MYO1E: variants seen among roughly 807,000 people sequenced by gnomAD.
MYO1E encodes myosin IE, also known as unconventional myosin-Ie.
Under a neutral mutation model 151.1 loss-of-function variants are expected in MYO1E, and 68 were observed. That is an observed-to-expected ratio of 0.45 (90% CI 0.37 to 0.55). The LOEUF (loss-of-function observed/expected upper bound fraction) is 0.55. Ranked by LOEUF, MYO1E falls within the 20% of genes least tolerant of loss-of-function variation. The probability of loss-of-function intolerance (pLI) is 0.00; values close to 1 mark genes in which losing one functional copy is unlikely to be tolerated. For missense variants in MYO1E, 1,363 were observed against 1,389.3 expected (o/e 0.98, Z 0.30); for synonymous variants, 601 against 501.7 (o/e 1.20, Z -2.64).
intron 26 of MYO1E, 111 bp from the exon 27 acceptor site, chr15:59,138,478 T>C: frequency 8.3e-7 from 1 of 1,201,268 alleles, no homozygotes; most frequent in Non-Finnish European, 1.2e-6. Flanking sequence ...CAAATCCAGC[T>C]CCATCCTTAG....
At chr15:59,265,319 C>A (rs7166002) in intron 2 of MYO1E, among the ~76,000 whole-genome samples, 115,242 of 151,884 alleles carry the variant, frequency 0.76, 44,507 homozygotes, top group Non-Finnish European at 0.85. Flanking sequence ...AAAGGTACCA[C>A]CTCCCCACCA....
At chr15:59,337,157 T>A (rs754265916) in intron 1 of MYO1E, among the ~76,000 whole-genome samples, 39 of 152,348 alleles carry the variant, frequency 2.6e-4, no homozygotes, top group South Asian at 2.1e-4. Context: ...TTTATTATTA[T>A]GAATATTTCC....
chr15:59,343,475 T>C (rs1049173104), intron 1 of MYO1E, among the ~76,000 whole-genome samples: 2 of 152,198 alleles, frequency 1.3e-5, no homozygotes, highest in Non-Finnish European at 2.9e-5. Context: ...TGTTATTACA[T>C]GCCTTGAGGT....
At chr15:59,151,336 A>G (rs1029194298) in intron 26 of MYO1E, among the ~76,000 whole-genome samples, 21 of 152,088 alleles carry the variant, frequency 1.4e-4, no homozygotes, top group African/African-American at 4.1e-4. Context: ...AGGTTGACGC[A>G]GGACAGTCAC....
intron 1 of MYO1E, among the ~76,000 whole-genome samples, chr15:59,329,214 C>T (rs183064358): frequency 2.6e-5 from 4 of 152,326 alleles, no homozygotes; most frequent in Non-Finnish European, 5.9e-5. Context: ...CTCCATGGAG[C>T]TTACAATCTA....
At chr15:59,231,358 C>T (rs777652910) in intron 6 of MYO1E, among the ~76,000 whole-genome samples, 1 of 152,202 alleles carries the variant, frequency 6.6e-6, no homozygotes, top group Non-Finnish European at 1.5e-5. Context: ...TGGGATACCC[C>T]TCTACTCTAG....
At position 59,321,246 on chromosome 15, in the gene MYO1E, G is replaced by C. The variant is rs183956736; in HGVS notation, c.4-48797C>G. ...ACACTGTAGGTGGGAGTGTAAGTTAGTTCAGTCACTGTGGAAAGCAGCTGG... is the reference window on the plus strand; with the variant it reads ...ACACTGTAGGTGGGAGTGTAAGTTACTTCAGTCACTGTGGAAAGCAGCTGG... On this transcript the variant is annotated intron_variant, in intron 1 of 27. Transcript: ENST00000288235. Among the ~76,000 whole-genome samples, 43 of 152,332 alleles carry C rather than the reference G, an allele frequency of 2.8e-4. No homozygotes were observed. In the East Asian group the frequency reaches 8.3e-3, roughly 29 times the overall value.
chr15:59,160,334 TGC>T (rs753447372), intron 24 of MYO1E, among the ~76,000 whole-genome samples: 5 of 117,574 alleles, frequency 4.3e-5, no homozygotes, highest in Admixed American at 1.8e-4. Flanking sequence ...TTTGAGGTAG[TGC>T]GTGTGTGTGT....
intron 25 of MYO1E, among the ~76,000 whole-genome samples, chr15:59,155,763 A>G (rs2079506250): frequency 6.6e-6 from 1 of 152,188 alleles, no homozygotes; most frequent in African/African-American, 2.4e-5. Context: ...GGGGACTCCA[A>G]AAGAGATGAG....
chr15:59,327,863 A>G (rs2080674905), intron 1 of MYO1E, among the ~76,000 whole-genome samples: 1 of 152,200 alleles, frequency 6.6e-6, no homozygotes, highest in African/African-American at 2.4e-5. Context: ...GAAGTTAAGG[A>G]AAGGCCAGGG....
intron 1 of MYO1E, among the ~76,000 whole-genome samples, chr15:59,352,688 G>T (rs554011300): frequency 9.0e-4 from 137 of 152,310 alleles, no homozygotes; most frequent in African/African-American, 3.2e-3. Flanking sequence ...GGATGATATA[G>T]AAGTGGTTTC....
chr15:59,214,865 T>C (rs1192289846), intron 10 of MYO1E, 145 bp from the exon 11 acceptor site: 1 of 731,320 alleles, frequency 1.4e-6, no homozygotes, highest in Non-Finnish European at 2.5e-6. Flanking sequence ...GGAGACTTGC[T>C]GCTTTAACAA....
intron 2 of MYO1E, among the ~76,000 whole-genome samples, chr15:59,262,391 T>TG (rs1175115253): frequency 6.6e-6 from 1 of 151,020 alleles, no homozygotes; most frequent in Non-Finnish European, 1.5e-5. Context: ...GCCAAGGGGG[T>TG]GGATCGCTTT....
rs11306933 is a variant in MYO1E at position 59,324,949 on chromosome 15, G to GAA, written c.3+47547_3+47548dup. On this transcript the variant is annotated intron_variant, in intron 1 of 27. Coordinates refer to ENST00000288235, the MANE Select transcript of MYO1E (RefSeq NM_004998.4). ...ACTTTTAGCACTCTAAGGCTTTTTA[G>GAA]AAAAAAAAAAAAAAAAGCCTTTTGA... is the stretch of plus-strand genomic sequence containing the variant. Among the ~76,000 whole-genome samples the GAA allele has an allele frequency of 1.9e-3, 257 of 134,006 alleles. 4 individuals are homozygous for GAA. Among genetic ancestry groups the GAA allele is most frequent in the East Asian group, 0.015 (58 of 3,972 alleles). The allele number at this position is 134,006 out of a possible 152,430, so 87.9% of individuals were successfully genotyped here. A position where few individuals can be genotyped will look rare whatever the true frequency, so the allele number is the denominator to read the frequency against.
At chr15:59,295,991 A>G (rs1737454158) in intron 1 of MYO1E, among the ~76,000 whole-genome samples, 1 of 152,206 alleles carries the variant, frequency 6.6e-6, no homozygotes, top group Admixed American at 6.5e-5. Flanking sequence ...CAGAACCAGC[A>G]GTGGAGCTAG....
At chr15:59,151,683 C>CAA (rs1566965114) in intron 26 of MYO1E, among the ~76,000 whole-genome samples, 1 of 152,062 alleles carries the variant, frequency 6.6e-6, no homozygotes, top group African/African-American at 2.4e-5. Context: ...GAGGCCAAGG[C>CAA]GGGTGGATTA....
intron 26 of MYO1E, among the ~76,000 whole-genome samples, chr15:59,145,212 C>T (rs28587047): frequency 6.6e-6 from 1 of 152,158 alleles, no homozygotes; most frequent in Non-Finnish European, 1.5e-5. Context: ...GAGCCCCCTA[C>T]TCCCAGCCGA....
rs145065453 is a variant in MYO1E, at chr15:59,172,522, G to A, written c.2335-480C>T. On this transcript the variant is annotated intron_variant, in intron 21 of 27. Coordinates refer to ENST00000288235, the MANE Select transcript of MYO1E (RefSeq NM_004998.4). Reference sequence around the variant, plus strand: ...CCCCATGACAGTGAAAGAGGGCATTGTTCATGATTATTAGGATGACATGTA... The same window carrying A: ...CCCCATGACAGTGAAAGAGGGCATTATTCATGATTATTAGGATGACATGTA... Among the ~76,000 whole-genome samples, 389 of 152,314 alleles carry A rather than the reference G, an allele frequency of 2.6e-3. 3 individuals are homozygous for A. Among genetic ancestry groups the A allele is most frequent in the East Asian group, 0.012 (61 of 5,184 alleles).
chr15:59,316,259 T>C (rs1288271043), intron 1 of MYO1E, among the ~76,000 whole-genome samples: 1 of 152,212 alleles, frequency 6.6e-6, no homozygotes, highest in Non-Finnish European at 1.5e-5. Context: ...GCCAAATCAT[T>C]CTGGCCTGAA....
Sources: gnomAD v4.1 joint callset for allele counts (sites outside exome capture counted in the v4.1 genomes callset) on GRCh38, gnomAD v4.1.1 for gene constraint, MANE v1.5 for transcripts, NCBI Gene and HGNC (gene_info 2026-07-23, HGNC 2026-07-21) for gene names.